ARHGEF4: variants seen among roughly 807,000 people sequenced by gnomAD.
ARHGEF4 encodes Rho guanine nucleotide exchange factor 4, also known as APC-stimulated guanine nucleotide exchange factor 1.
Under a neutral mutation model 162.0 loss-of-function variants are expected in ARHGEF4, and 119 were observed. The ratio of observed to expected loss-of-function variants is 0.73; its 90% CI spans 0.63 to 0.86. ARHGEF4 has a LOEUF of 0.86. ARHGEF4 is among the 40% of genes least tolerant of loss of function. The pLI, the probability that ARHGEF4 is intolerant of heterozygous loss-of-function variation, is 0.00. For synonymous variants in ARHGEF4, 1,014 were observed against 979.9 expected, an observed-to-expected ratio of 1.03 and a Z score of -0.65; for missense variants, 2,488 against 2,456.0, an observed-to-expected ratio of 1.01 and a Z score of -0.28.
intron 4 of ARHGEF4, among the ~76,000 whole-genome samples, chr2:130,978,440 C>G (rs984305324): frequency 6.6e-5 from 10 of 152,338 alleles, no homozygotes; most frequent in South Asian, 4.1e-4. Flanking sequence ...GTCCCATATT[C>G]TTGGCCTGAT....
At position 130,841,988 on chromosome 2, in the gene ARHGEF4, C is replaced by T. The variant is rs533242828; in HGVS notation, c.39+4996C>T. 1.8e-4 allele frequency among the ~76,000 whole-genome samples: 28 copies of T among 152,338 alleles called. 1 individual carries two copies. In the South Asian group the frequency reaches 4.1e-3, roughly 23 times the overall value. On this transcript the variant is annotated intron_variant, in intron 1 of 13. Coordinates refer to ENST00000409359, the MANE Select transcript of ARHGEF4 (RefSeq NM_001367493.1). The stretch of plus-strand genomic sequence containing the variant: ...CCCAGGGTCGGGGACACTCCAAATC[C>T]GTTCTCACCATTCTCCCTGGTTTTT...
At chr2:130,948,063 G>A (rs890535354) in intron 4 of ARHGEF4, among the ~76,000 whole-genome samples, 8 of 152,204 alleles carry the variant, frequency 5.3e-5, no homozygotes, top group Non-Finnish European at 1.0e-4. Context: ...TGTCGGTGCC[G>A]AAGACCCATA....
intron 4 of ARHGEF4, among the ~76,000 whole-genome samples, chr2:130,981,186 C>G (rs938457093): frequency 1.2e-4 from 19 of 152,108 alleles, no homozygotes; most frequent in African/African-American, 4.3e-4. Context: ...TCCATCCATT[C>G]CTGAAGACCA....
In ARHGEF4 at chr2:130,934,254, G is replaced by A. The variant is rs553169781; in HGVS notation, c.3858+2997G>A. ...TACATTGAATATGTATTCATCTGCA[G>A]TTTTCTTTTCTTGTGATGTTTTTCT... On this transcript the variant is annotated intron_variant, in intron 3 of 13. Transcript: ENST00000409359. Among the ~76,000 whole-genome samples the A allele has an allele frequency of 2.6e-5, 4 of 152,216 alleles. No homozygotes were observed. The South Asian group carries it at 8.3e-4, about 32-fold the overall frequency.
chr2:130,864,898 CGT>C lies in ARHGEF4; in HGVS notation c.39+27910_39+27911del, dbSNP rs1682159640. ...AGCTCAACAAATCCTTTTTAAACAGCGTGTGAGTGATGGCAGCTGTCTGAAGC... is the reference window on the plus strand; with the variant it reads ...AGCTCAACAAATCCTTTTTAAACAGCGTGAGTGATGGCAGCTGTCTGAAGC... On this transcript the variant is annotated intron_variant, in intron 1 of 13. Coordinates refer to ENST00000409359, the MANE Select transcript of ARHGEF4 (RefSeq NM_001367493.1). Among the ~76,000 whole-genome samples, 3 of 152,286 alleles carry C rather than the reference CGT, an allele frequency of 2.0e-5. No individual in the cohort carries two copies. The South Asian group carries it at 6.2e-4, about 32-fold the overall frequency.
At chr2:130,954,181 A>G (rs1042188877) in intron 4 of ARHGEF4, among the ~76,000 whole-genome samples, 15 of 152,384 alleles carry the variant, frequency 9.8e-5, no homozygotes, top group African/African-American at 3.4e-4. Context: ...AGACTGGATT[A>G]AGAAAATGTG....
At chr2:130,899,765 T>C (rs1680380714) in intron 1 of ARHGEF4, among the ~76,000 whole-genome samples, 1 of 152,008 alleles carries the variant, frequency 6.6e-6, no homozygotes, top group African/African-American at 2.4e-5. Context: ...GTGAGTGTGA[T>C]TTGATTGGAA....
chr2:130,873,966 C>G (rs1438991326), intron 1 of ARHGEF4, among the ~76,000 whole-genome samples: 1 of 152,182 alleles, frequency 6.6e-6, no homozygotes, highest in Non-Finnish European at 1.5e-5. Flanking sequence ...AACTGGCTGG[C>G]TCTCCAGATT....
intron 4 of ARHGEF4, among the ~76,000 whole-genome samples, chr2:130,989,814 G>A (rs1451026942): frequency 1.3e-5 from 2 of 152,198 alleles, no homozygotes; most frequent in African/African-American, 4.8e-5. Context: ...CATCGGATTA[G>A]CACTGGCCTG....
At chr2:130,993,336 T>C (rs142695095) in intron 4 of ARHGEF4, among the ~76,000 whole-genome samples, 1,822 of 152,306 alleles carry the variant, frequency 0.012, 41 homozygotes, top group African/African-American at 0.041. Flanking sequence ...GGCATATTTG[T>C]ATTAGGATAT....
chr2:130,870,704 G>A (rs1678417914), intron 1 of ARHGEF4, among the ~76,000 whole-genome samples: 1 of 152,134 alleles, frequency 6.6e-6, no homozygotes, highest in Admixed American at 6.5e-5. Flanking sequence ...CTCCTTATGT[G>A]CCAGGTATCT....
In ARHGEF4 at chr2:131,043,528, A is replaced by G. The variant is rs1690984119; in HGVS notation, c.5102A>G (p.Lys1701Arg). 1 of 1,614,128 alleles carries G rather than the reference A, an allele frequency of 6.2e-7. No individual in the cohort carries two copies. The highest frequency in any genetic ancestry group is 1.3e-5 in the African/African-American group (1 of 75,056). Residue 1701 changes from lysine (K) to arginine (R), a missense_variant, in exon 11 of 14, where the codon AAA (lysine) becomes AGA (arginine). Lys to Arg is a conservative substitution (Grantham distance 26). Coordinates refer to ENST00000409359, the MANE Select transcript of ARHGEF4 (RefSeq NM_001367493.1). ...ACTCGAGTTACACAGCCTCAAGCCA[A>G]AAGCCAGCAGCGAATGTTCTTTCTC... ...ELTRVTQPQAKSQQRMFFLFD... is the reference protein window; with the variant it reads ...ELTRVTQPQARSQQRMFFLFD...
chr2:130,920,493 G>A lies in ARHGEF4; in HGVS notation c.3552+2995G>A, dbSNP rs147057465. On this transcript the variant is annotated intron_variant, in intron 2 of 13. Coordinates refer to ENST00000409359, the MANE Select transcript of ARHGEF4 (RefSeq NM_001367493.1). Reference sequence around the variant, plus strand: ...TAGTACACTGCGCCATCAGACCACAGACAGGAGAACAGCAGGTACATAGGG... The same window carrying A: ...TAGTACACTGCGCCATCAGACCACAAACAGGAGAACAGCAGGTACATAGGG... Among the ~76,000 whole-genome samples, 937 of 152,290 alleles carry A rather than the reference G, an allele frequency of 6.2e-3. 13 individuals carry two copies. Among genetic ancestry groups the A allele is most frequent in the African/African-American group, 0.021 (874 of 41,542 alleles).
Position 130,914,950 on chromosome 2 carries a change from T to A in ARHGEF4, c.1004T>A (p.Val335Asp), listed in dbSNP as rs774609724. 28 of 1,548,642 alleles carry A rather than the reference T, an allele frequency of 1.8e-5. No individual in the cohort carries two copies. The highest frequency in any genetic ancestry group is 2.4e-5 in the Non-Finnish European group (28 of 1,146,040). Residue 335 changes from valine to aspartate, a missense_variant, in exon 2 of 14, where the codon GTC becomes GAC. Coordinates refer to ENST00000409359, the MANE Select transcript of ARHGEF4 (RefSeq NM_001367493.1). ...RLNCGHMRAL[V>D]RAHSIAGFSP... ...AACTGTGGGCACATGAGGGCACTGG[T>A]CAGGGCCCATTCCATAGCAGGGTTT...
In ARHGEF4 at chr2:130,914,939, G is replaced by A; in HGVS notation, c.993G>A (p.Met331Ile). 6.5e-7 allele frequency: 1 copy of A among 1,545,016 alleles called. No individual in the cohort carries two copies. Among genetic ancestry groups the A allele is most frequent in the Non-Finnish European group, 8.7e-7 (1 of 1,143,686 alleles). Residue 331 changes from methionine (M) to isoleucine (I), a missense_variant, in exon 2 of 14, where the codon ATG (methionine) becomes ATA (isoleucine). By Grantham distance (10) the Met-to-Ile change is conservative. Transcript: ENST00000409359. The stretch of plus-strand genomic sequence containing the variant: ...CCCCCAGACTCAACTGTGGGCACAT[G>A]AGGGCACTGGTCAGGGCCCATTCCA... Reference protein sequence around the residue: ...RASPRLNCGHMRALVRAHSIA... With the variant: ...RASPRLNCGHIRALVRAHSIA...
intron 3 of ARHGEF4, among the ~76,000 whole-genome samples, chr2:130,933,815 T>C (rs1280077386): frequency 6.6e-6 from 1 of 152,232 alleles, no homozygotes; most frequent in Admixed American, 6.5e-5. Flanking sequence ...TTAGCTATAA[T>C]AATATTTTTG....
At chr2:130,885,519 G>C (rs918768328) in intron 1 of ARHGEF4, among the ~76,000 whole-genome samples, 1 of 151,486 alleles carries the variant, frequency 6.6e-6, no homozygotes, top group African/African-American at 2.4e-5. Context: ...GTAGTGGAGG[G>C]GGGTGAGGGC....
At position 131,008,638 on chromosome 2, in the gene ARHGEF4, T is replaced by C. The variant is rs564900646; in HGVS notation, c.3986-19307T>C. ...TCTGTTTTGTTTTGGATTAATTGGA[T>C]CTTTTTTAAAAAAATCCTATCTTTA... On this transcript the variant is annotated intron_variant, in intron 4 of 13. Coordinates refer to ENST00000409359, the MANE Select transcript of ARHGEF4 (RefSeq NM_001367493.1). Among the ~76,000 whole-genome samples the C allele has an allele frequency of 8.5e-5, 13 of 152,196 alleles. No homozygotes were observed. The South Asian group carries it at 2.7e-3, about 32-fold the overall frequency.
At chr2:130,846,229 T>C (rs1680955625) in intron 1 of ARHGEF4, among the ~76,000 whole-genome samples, 1 of 152,190 alleles carries the variant, frequency 6.6e-6, no homozygotes, top group Non-Finnish European at 1.5e-5. Context: ...AAACTAAAAC[T>C]GTCATCAGTG....
Sources: allele counts gnomAD v4.1 joint callset (sites outside exome capture counted in the v4.1 genomes callset), GRCh38; gene constraint gnomAD v4.1.1; transcripts MANE v1.5; gene names NCBI Gene and HGNC (gene_info 2026-07-23, HGNC 2026-07-21).